Variants in XPO4 observed in about 807,000 individuals in gnomAD.
XPO4 encodes exportin-4.
A neutral mutation model predicts 143.0 loss-of-function variants in XPO4; 39 were observed. That is an observed-to-expected ratio of 0.27 (90% CI 0.21 to 0.36). The LOEUF (loss-of-function observed/expected upper bound fraction) is 0.36, where lower values mean the gene tolerates loss of function less well. Ranked by LOEUF, XPO4 falls within the 10% of genes least tolerant of loss-of-function variation. XPO4 has a pLI of 1.00. For missense variants in XPO4, 907 were observed against 1,348.0 expected (o/e 0.67, Z 5.12); for synonymous variants, 439 against 474.0 (o/e 0.93, Z 0.96).
Position 20,877,551 on chromosome 13 carries a change from A to C in XPO4, c.70-8850T>G, listed in dbSNP as rs1045063115. On this transcript the variant is annotated intron_variant, in intron 1 of 22. Coordinates refer to ENST00000255305, the MANE Select transcript of XPO4 (RefSeq NM_022459.5). ...TAAAAGATTGAAGATATCCTCTAAG[A>C]ATAGTAAAACAGAAAAACAGAAGAA... Among the ~76,000 whole-genome samples, 3 of 152,346 alleles carry C rather than the reference A, an allele frequency of 2.0e-5. No individual in the cohort carries two copies. In the East Asian group the frequency reaches 5.8e-4, roughly 29 times the overall value.
At chr13:20,818,100 A>C (rs1322962842) in intron 9 of XPO4, among the ~76,000 whole-genome samples, 1 of 152,178 alleles carries the variant, frequency 6.6e-6, no homozygotes, top group Non-Finnish European at 1.5e-5. Context: ...TTTAATCTTT[A>C]AGGCAATACT....
At chr13:20,809,253 G>C in intron 10 of XPO4, 28 bp from the exon 11 acceptor site, 1 of 1,607,772 alleles carries the variant, frequency 6.2e-7, no homozygotes, top group Non-Finnish European at 8.5e-7. Context: ...AATAAACAAT[G>C]AGGAACTGCA....
At chr13:20,890,573 C>T (rs1595167924) in intron 1 of XPO4, among the ~76,000 whole-genome samples, 1 of 151,294 alleles carries the variant, frequency 6.6e-6, no homozygotes, top group East Asian at 2.0e-4. Context: ...CTGAGGCAGG[C>T]AGATCGCTTG....
At chr13:20,787,700 G>T in intron 20 of XPO4, 102 bp from the exon 21 acceptor site, 1 of 876,282 alleles carries the variant, frequency 1.1e-6, no homozygotes, top group African/African-American at 1.7e-5. Context: ...TTCTAGAAAT[G>T]AATACAGATA....
At chr13:20,822,097 C>T (rs1566584729) in intron 8 of XPO4, 35 bp downstream of exon 8, 3 of 1,567,930 alleles carry the variant, frequency 1.9e-6, no homozygotes, top group African/African-American at 1.4e-5. Context: ...AAACGTAGAG[C>T]TCCTTTTTCA....
At chr13:20,819,262 G>C (rs763980240) in intron 9 of XPO4, among the ~76,000 whole-genome samples, 4 of 152,152 alleles carry the variant, frequency 2.6e-5, no homozygotes, top group Non-Finnish European at 5.9e-5. Context: ...TGACTGCCTG[G>C]CCTGTAACTG....
At chr13:20,786,307 GTATATA>G (rs35172496) in intron 22 of XPO4, among the ~76,000 whole-genome samples, 49 of 146,912 alleles carry the variant, frequency 3.3e-4, no homozygotes, top group South Asian at 8.7e-4. Context: ...ACGTGTGTGT[GTATATA>G]TATATATATA....
intron 16 of XPO4, among the ~76,000 whole-genome samples, chr13:20,797,269 C>T (rs1337208620): frequency 6.6e-6 from 1 of 152,100 alleles, no homozygotes; most frequent in Non-Finnish European, 1.5e-5. Context: ...AAGCATGGGA[C>T]ATAACTGTCT....
intron 1 of XPO4, among the ~76,000 whole-genome samples, chr13:20,875,296 A>G (rs1051995491): frequency 2.6e-5 from 4 of 152,190 alleles, no homozygotes; most frequent in Admixed American, 6.5e-5. Context: ...TAAATTTGCC[A>G]TAACAATATT....
At chr13:20,875,922 T>A (rs1446353479) in intron 1 of XPO4, among the ~76,000 whole-genome samples, 1 of 151,736 alleles carries the variant, frequency 6.6e-6, no homozygotes, top group Non-Finnish European at 1.5e-5. Context: ...TCCTAACTCA[T>A]GTAAGGGTAA....
At chr13:20,826,418 T>G (rs1348547928) in intron 7 of XPO4, among the ~76,000 whole-genome samples, 2 of 152,230 alleles carry the variant, frequency 1.3e-5, no homozygotes, top group East Asian at 3.8e-4. Context: ...CCTGTCAGGT[T>G]GCCTGTGAGG....
intron 22 of XPO4, among the ~76,000 whole-genome samples, chr13:20,785,230 T>A (rs938222648): frequency 1.3e-5 from 2 of 152,162 alleles, no homozygotes; most frequent in African/African-American, 4.8e-5. Context: ...AAACCAAATG[T>A]TAATTACATT....
intron 2 of XPO4, among the ~76,000 whole-genome samples, chr13:20,865,020 C>T (rs1021740324): frequency 2.6e-5 from 4 of 152,132 alleles, no homozygotes; most frequent in African/African-American, 4.8e-5. Flanking sequence ...AAGGTACTCT[C>T]GAAGCCTACC....
intron 4 of XPO4, chr13:20,852,203 G>GTAA: frequency 1.0e-6 from 1 of 985,436 alleles, no homozygotes; most frequent in South Asian, 4.7e-5. Flanking sequence ...AGAGTTACTA[G>GTAA]TAATGTTCCT....
intron 9 of XPO4, among the ~76,000 whole-genome samples, chr13:20,816,294 T>C (rs959792534): frequency 2.6e-5 from 4 of 152,204 alleles, no homozygotes; most frequent in Admixed American, 6.5e-5. Context: ...GATTCTTTCC[T>C]AGCGAAGTAT....
chr13:20,819,153 C>T (rs532801160), intron 9 of XPO4, among the ~76,000 whole-genome samples: 3 of 152,112 alleles, frequency 2.0e-5, no homozygotes, highest in East Asian at 1.9e-4. Context: ...AGTTAATCCA[C>T]GTCATAAAGC....
chr13:20,821,609 C>A, intron 9 of XPO4, 95 bp downstream of exon 9: 1 of 1,336,250 alleles, frequency 7.5e-7, no homozygotes, highest in East Asian at 2.5e-5. Context: ...AGCCAGCACT[C>A]ACTTAAAATA....
intron 1 of XPO4, among the ~76,000 whole-genome samples, chr13:20,893,375 G>A (rs1229932636): frequency 1.3e-5 from 2 of 152,032 alleles, no homozygotes; most frequent in Non-Finnish European, 2.9e-5. Flanking sequence ...CAAGGCAGAG[G>A]CCACCCACTC....
intron 1 of XPO4, among the ~76,000 whole-genome samples, chr13:20,872,682 A>T (rs1311604262): frequency 6.6e-6 from 1 of 152,194 alleles, no homozygotes; most frequent in Non-Finnish European, 1.5e-5. Flanking sequence ...AAACTGAGGT[A>T]TGTAAAGAAT....
Sources: gnomAD v4.1 joint callset for allele counts (sites outside exome capture counted in the v4.1 genomes callset) on GRCh38, gnomAD v4.1.1 for gene constraint, MANE v1.5 for transcripts, NCBI Gene and HGNC (gene_info 2026-07-23, HGNC 2026-07-21) for gene names.